Variants in BTAF1 observed in about 807,000 individuals in gnomAD.
BTAF1 encodes B-TFIID TATA-box binding protein associated factor 1, also known as TATA-binding protein-associated factor 172.
Under a neutral mutation model 227.1 loss-of-function variants are expected in BTAF1, and 38 were observed. The observed-to-expected ratio is 0.17, with a 90% CI of 0.13 to 0.22. BTAF1 has a LOEUF of 0.22. BTAF1 is among the 10% of genes least tolerant of loss of function. The probability of loss-of-function intolerance (pLI) is 1.00; values close to 1 mark genes in which losing one functional copy is unlikely to be tolerated. For missense variants in BTAF1, 1,598 were observed against 2,204.0 expected (o/e 0.73, Z 5.51); for synonymous variants, 742 against 751.9 (o/e 0.99, Z 0.21).
At chr10:91,991,291 T>TATAA (rs1456317058) in intron 20 of BTAF1, among the ~76,000 whole-genome samples, 3 of 133,050 alleles carry the variant, frequency 2.3e-5, no homozygotes, top group Admixed American at 8.2e-5. Context: ...TATATATATA[T>TATAA]AAATTATCCG....
At chr10:91,948,057 G>A (rs914654595) in intron 4 of BTAF1, among the ~76,000 whole-genome samples, 2 of 151,584 alleles carry the variant, frequency 1.3e-5, no homozygotes, top group Non-Finnish European at 2.9e-5. Flanking sequence ...TGTGCACAAC[G>A]TGCAGGTTTG....
intron 34 of BTAF1, among the ~76,000 whole-genome samples, chr10:92,019,735 G>C (rs1174346601): frequency 1.3e-5 from 2 of 152,070 alleles, no homozygotes; most frequent in Non-Finnish European, 2.9e-5. Context: ...GATTTGATTT[G>C]CTATTCCCTA....
chr10:91,998,647 A>G (rs1481598980), intron 25 of BTAF1, among the ~76,000 whole-genome samples: 1 of 152,258 alleles, frequency 6.6e-6, no homozygotes, highest in East Asian at 1.9e-4. Flanking sequence ...GTTAACATGT[A>G]TAAGTACTTC....
intron 34 of BTAF1, among the ~76,000 whole-genome samples, chr10:92,022,385 C>G (rs1851201600): frequency 6.6e-6 from 1 of 152,128 alleles, no homozygotes; most frequent in Admixed American, 6.5e-5. Context: ...CTCTGGAACT[C>G]TTATGGGATC....
chr10:91,960,058 G>T lies in BTAF1; in HGVS notation c.1167G>T (p.Lys389Asn), dbSNP rs779344983. 1 of 1,613,904 alleles carries T rather than the reference G, an allele frequency of 6.2e-7. No homozygotes were observed. The highest frequency in any genetic ancestry group is 8.5e-7 in the Non-Finnish European group (1 of 1,179,888). ...ACATGAACGAAACAGGAGTTCATAAGACTGTGGATGTGCTGCTAAAATTAC... is the reference window on the plus strand; with the variant it reads ...ACATGAACGAAACAGGAGTTCATAATACTGTGGATGTGCTGCTAAAATTAC... ...LKHMNETGVH[K>N]TVDVLLKLLT... Residue 389 changes from lysine (K) to asparagine (N), a missense_variant, in exon 11 of 38, where the codon AAG becomes AAT. This residue lies in a region of BTAF1 where 52 missense variants were observed against 72.4 expected (regional missense o/e 0.72). Coordinates refer to ENST00000265990, the MANE Select transcript of BTAF1 (RefSeq NM_003972.3).
intron 23 of BTAF1, among the ~76,000 whole-genome samples, chr10:91,996,107 C>G (rs190137583): frequency 6.6e-6 from 1 of 152,112 alleles, no homozygotes; most frequent in Non-Finnish European, 1.5e-5. Context: ...ATTGAGTGTT[C>G]CTATATGCCT....
intron 25 of BTAF1, among the ~76,000 whole-genome samples, chr10:92,005,960 C>T (rs574834050): frequency 2.0e-5 from 3 of 152,010 alleles, no homozygotes; most frequent in African/African-American, 7.2e-5. Context: ...CAGCCTCAGC[C>T]TCTCCTGGAC....
chr10:91,996,674 CT>C, intron 24 of BTAF1, 104 bp downstream of exon 24: 1 of 1,081,344 alleles, frequency 9.2e-7, no homozygotes, highest in South Asian at 1.8e-5. Flanking sequence ...AATAACCTGC[CT>C]TGTTCCAAAA....
Position 91,980,546 on chromosome 10 carries a change from C to T in BTAF1, c.1743C>T (p.Asp581=), listed in dbSNP as rs1847988590. ...TGGAAAGCAGCCAGGAAATTCTGGA[C>T]CTTATTCACAAGGTACACAGCAAAT... ...CVLESSQEIL[D]LIHKVWMELL... is the part of the protein sequence containing the mutation. Residue 581 remains aspartate (D), a synonymous_variant, in exon 15 of 38, where the codon GAC becomes GAT. Coordinates refer to ENST00000265990, the MANE Select transcript of BTAF1 (RefSeq NM_003972.3). 6.2e-7 allele frequency: 1 copy of T among 1,610,070 alleles called. No homozygotes were observed. The highest frequency in any genetic ancestry group is 1.1e-5 in the South Asian group (1 of 90,856).
At chr10:91,938,634 T>G (rs1844787955) in intron 2 of BTAF1, among the ~76,000 whole-genome samples, 1 of 152,254 alleles carries the variant, frequency 6.6e-6, no homozygotes, top group Admixed American at 6.5e-5. Flanking sequence ...GTCTATCATT[T>G]TGCCAGTACC....
intron 5 of BTAF1, 102 bp downstream of exon 5, chr10:91,951,668 T>C: frequency 8.2e-7 from 1 of 1,213,180 alleles, no homozygotes. Context: ...TACTTAGCTC[T>C]GTTCATTGCT....
At chr10:91,984,005 A>G (rs1046907693) in intron 18 of BTAF1, among the ~76,000 whole-genome samples, 196 bp from the exon 19 acceptor site, 1 of 151,940 alleles carries the variant, frequency 6.6e-6, no homozygotes, top group Non-Finnish European at 1.5e-5. Flanking sequence ...TTCTGTAGTC[A>G]TTCATGTTAA....
chr10:92,026,240 G>A (rs1298984705), intron 35 of BTAF1, among the ~76,000 whole-genome samples: 1 of 152,086 alleles, frequency 6.6e-6, no homozygotes, highest in Non-Finnish European at 1.5e-5. Context: ...TGAAAGTCTA[G>A]CCTGTTCTCA....
intron 2 of BTAF1, among the ~76,000 whole-genome samples, chr10:91,936,297 A>G (rs1844605610): frequency 6.6e-6 from 1 of 152,132 alleles, no homozygotes; most frequent in Non-Finnish European, 1.5e-5. Context: ...GTGTACCTGT[A>G]TGGTAATAAG....
chr10:91,964,520 G>A (rs1846743013), intron 13 of BTAF1, among the ~76,000 whole-genome samples: 1 of 151,986 alleles, frequency 6.6e-6, no homozygotes, highest in Non-Finnish European at 1.5e-5. Flanking sequence ...TAGAATTTTA[G>A]CTTTATTTAG....
chr10:92,002,061 G>A (rs1378536609), intron 25 of BTAF1, among the ~76,000 whole-genome samples: 5 of 149,236 alleles, frequency 3.4e-5, no homozygotes, highest in Non-Finnish European at 7.4e-5. Flanking sequence ...GTGATGACGA[G>A]CACAATGAAA....
chr10:91,928,590 TG>T (rs1844028917), intron 1 of BTAF1, among the ~76,000 whole-genome samples: 2 of 152,186 alleles, frequency 1.3e-5, no homozygotes, highest in Admixed American at 1.3e-4. Context: ...CAGTGTTTCT[TG>T]TGAATAATTT....
At chr10:91,944,943 G>T (rs531485617) in intron 4 of BTAF1, among the ~76,000 whole-genome samples, 1 of 152,294 alleles carries the variant, frequency 6.6e-6, no homozygotes, top group South Asian at 2.1e-4. Context: ...TTGCGTTACA[G>T]TTGCCTACAG....
chr10:91,984,255 G>T lies in BTAF1; in HGVS notation c.2278G>T (p.Glu760Ter). The T allele has an allele frequency of 6.2e-7, 1 of 1,613,908 alleles. No homozygotes were observed. Reference sequence around the variant, plus strand: ...GCCGCGTTTACTTGATATCCTTTCAGAACATTTATATTATGACGAAATTGC... The same window carrying T: ...GCCGCGTTTACTTGATATCCTTTCATAACATTTATATTATGACGAAATTGC... ...VQPRLLDILS[E>*]HLYYDEIAVP... Residue 760 changes from glutamate (E) to a stop codon, truncating the protein, a stop_gained, in exon 19 of 38, where the codon GAA (glutamate) becomes TAA (stop). Coordinates refer to ENST00000265990, the MANE Select transcript of BTAF1 (RefSeq NM_003972.3). LOFTEE classifies it high-confidence loss of function.
Sources: allele counts gnomAD v4.1 joint callset (sites outside exome capture counted in the v4.1 genomes callset), GRCh38; gene constraint gnomAD v4.1.1; regional missense constraint gnomAD v4.1.1; transcripts MANE v1.5; gene names NCBI Gene and HGNC (gene_info 2026-07-23, HGNC 2026-07-21).